COL9A2: variants seen among roughly 807,000 people sequenced by gnomAD.
COL9A2 encodes collagen alpha-2(IX) chain.
COL9A2 carries 66 observed loss-of-function variants against 111.6 expected under a neutral mutation model. The observed-to-expected ratio is 0.59, with a 90% CI of 0.48 to 0.73. The LOEUF (loss-of-function observed/expected upper bound fraction) is 0.73. Among genes scored for constraint, COL9A2 ranks in the 30% least tolerant of loss-of-function variants. The pLI is 0.00. For synonymous variants in COL9A2, 353 were observed against 364.1 expected (o/e 0.97, Z 0.35); for missense variants, 881 against 954.1 (o/e 0.92, Z 1.01).
rs1644042804 is a variant in COL9A2, at chr1:40,307,159, T to C, written c.1008+287A>G. Among the ~76,000 whole-genome samples, 1 of 152,216 alleles carries C rather than the reference T, an allele frequency of 6.6e-6. No individual in the cohort carries two copies. The highest frequency in any genetic ancestry group is 1.5e-5 in the Non-Finnish European group (1 of 68,044). On this transcript the variant is annotated intron_variant, in intron 19 of 31. Coordinates refer to ENST00000372748, the MANE Select transcript of COL9A2 (RefSeq NM_001852.4). This position sits in a 1 kb window ranked among gnomAD's most constrained non-coding sequence, Gnocchi z 4.8. Reference sequence around the variant, plus strand: ...TGCACCCGACCTCAATAACTACTTATTGAAGGACTGGACTGAATGACTTTT... The same window carrying C: ...TGCACCCGACCTCAATAACTACTTACTGAAGGACTGGACTGAATGACTTTT...
rs1481426687 is a variant in COL9A2 at position 40,303,942 on chromosome 1, C to T, written c.1354G>A (p.Glu452Lys). 6.4e-7 allele frequency: 1 copy of T among 1,559,172 alleles called. No individual in the cohort carries two copies. The highest frequency in any genetic ancestry group is 8.7e-7 in the Non-Finnish European group (1 of 1,151,070). The change falls in exon 26 of 32, where the codon GAG becomes AAG. Residue 452 changes from glutamate to lysine, a missense_variant. By Grantham distance (56) the Glu-to-Lys change is moderately conservative (BLOSUM62 1). Coordinates refer to ENST00000372748, the MANE Select transcript of COL9A2 (RefSeq NM_001852.4). This position sits in a 1 kb window ranked among gnomAD's most constrained non-coding sequence, Gnocchi z 4.6. ...GDPGVAGLPG[E>K]KGEKGESGEP... is the part of the protein sequence containing the mutation. ...CGCGCGCTCACCTTCTCGCCTTTCT[C>T]TCCGGGGAGGCCGGCCACCCCTGGG...
chr1:40,302,985 G>A lies in COL9A2; in HGVS notation c.1603+146C>T. ...CAAAGGCCCAGAGTGACTTATTCAA[G>A]GTCCCAAAACCCTTCAGAGACTGGA... On this transcript the variant is annotated intron_variant, in intron 29 of 31. Coordinates refer to ENST00000372748, the MANE Select transcript of COL9A2 (RefSeq NM_001852.4). The surrounding 1 kb of genome is among the most constrained non-coding windows in gnomAD (Gnocchi z 4.5). 9.2e-7 allele frequency: 1 copy of A among 1,083,890 alleles called. No individual in the cohort carries two copies. Among genetic ancestry groups the A allele is most frequent in the Non-Finnish European group, 1.4e-6 (1 of 734,270 alleles). The allele number at this position is 1,083,890 out of a possible 1,614,324, so 67.1% of individuals were successfully genotyped here. A position where few individuals can be genotyped will look rare whatever the true frequency, so the allele number is the denominator to read the frequency against.
intron 21 of COL9A2, 82 bp downstream of exon 21, chr1:40,305,633 C>T (rs748225569): frequency 5.9e-5 from 77 of 1,298,472 alleles, no homozygotes; most frequent in Middle Eastern, 3.7e-4. Context: ...CAGACTAACT[C>T]GGAGCTCTCC....
Position 40,302,121 on chromosome 1 carries a change from A to G in COL9A2, c.1793-232T>C, listed in dbSNP as rs535157071. Among the ~76,000 whole-genome samples, 65 of 150,392 alleles carry G rather than the reference A, an allele frequency of 4.3e-4. No individual in the cohort carries two copies. The highest frequency in any genetic ancestry group is 1.6e-3 in the African/African-American group (63 of 39,860). ...GAAAGCAAGCATAACAATATCTAGCATTTACTGTGTCTCAGTGAACTAAGA... is the reference window on the plus strand; with the variant it reads ...GAAAGCAAGCATAACAATATCTAGCGTTTACTGTGTCTCAGTGAACTAAGA... On this transcript the variant is annotated intron_variant, in intron 30 of 31. Transcript: ENST00000372748. This position sits in a 1 kb window ranked among gnomAD's most constrained non-coding sequence, Gnocchi z 4.5.
rs1569768798 is a variant in COL9A2, at chr1:40,315,588, AC to A, written c.150+1del. Reference sequence around the variant, plus strand: ...CGCCCTGGTCTCAGGTTAGAGACTTACGTCGATGCCGTCGGATCCAGGCACT... The same window carrying A: ...CGCCCTGGTCTCAGGTTAGAGACTTAGTCGATGCCGTCGGATCCAGGCACT... On this transcript the variant is annotated splice_donor_variant, in intron 2 of 31. Coordinates refer to ENST00000372748, the MANE Select transcript of COL9A2 (RefSeq NM_001852.4). LOFTEE classifies it high-confidence loss of function. The A allele has an allele frequency of 6.4e-6, 10 of 1,551,804 alleles. No homozygotes were observed. Among genetic ancestry groups the A allele is most frequent in the Non-Finnish European group, 8.7e-6 (10 of 1,146,938 alleles).
rs1341743056 is a variant in COL9A2 at position 40,316,791 on chromosome 1, C to G, written c.75+332G>C. On this transcript the variant is annotated intron_variant, in intron 1 of 31. Transcript: ENST00000372748. The surrounding 1 kb of genome is among the most constrained non-coding windows in gnomAD (Gnocchi z 5.5). The stretch of plus-strand genomic sequence containing the variant: ...GGCGGCGGGGGCGGAGGCTGCGCAG[C>G]GGGTGAATGAGCACCATTGTATGCC... 12 of 408,094 alleles carry G rather than the reference C, an allele frequency of 2.9e-5. No individual in the cohort carries two copies. Among genetic ancestry groups the G allele is most frequent in the South Asian group, 2.4e-4 (11 of 46,036 alleles). 25.3% of individuals were successfully genotyped at this position (408,094 alleles called of 1,614,324 possible). A position where few individuals can be genotyped will look rare whatever the true frequency, so the allele number is the denominator to read the frequency against.
chr1:40,310,247 C>T lies in COL9A2; in HGVS notation c.738+17G>A. On this transcript the variant is annotated intron_variant, in intron 14 of 31. Coordinates refer to ENST00000372748, the MANE Select transcript of COL9A2 (RefSeq NM_001852.4). This position sits in a 1 kb window ranked among gnomAD's most constrained non-coding sequence, Gnocchi z 4.9. ...AGCTCCTGGAAGCTCTTGTAGAACA[C>T]CCCAAGATTCACTTACCGTCTCTCC... The T allele has an allele frequency of 6.2e-7, 1 of 1,614,128 alleles. No homozygotes were observed. Among genetic ancestry groups the T allele is most frequent in the Non-Finnish European group, 8.5e-7 (1 of 1,179,980 alleles).
chr1:40,310,627 A>G lies in COL9A2; in HGVS notation c.684+87T>C. 8.3e-7 allele frequency: 1 copy of G among 1,207,460 alleles called. No individual in the cohort carries two copies. Among genetic ancestry groups the G allele is most frequent in the East Asian group, 2.5e-5 (1 of 39,394 alleles). 74.8% of individuals were successfully genotyped at this position (1,207,460 alleles called of 1,614,324 possible). A position where few individuals can be genotyped will look rare whatever the true frequency, so the allele number is the denominator to read the frequency against. ...AGCTAGACACAGGTGTCTCTTTTAC[A>G]AGCTAGAGGCCTGAGCAGGGGAATG... On this transcript the variant is annotated intron_variant, in intron 13 of 31. Transcript: ENST00000372748. This position sits in a 1 kb window ranked among gnomAD's most constrained non-coding sequence, Gnocchi z 4.9.
At chr1:40,305,866 G>A (rs1644021895) in intron 20 of COL9A2, 98 bp from the exon 21 acceptor site, 10 of 1,078,102 alleles carry the variant, frequency 9.3e-6, no homozygotes, top group African/African-American at 1.6e-5. Context: ...GGAACCAGAT[G>A]AGCTGGGACG....
rs1644107219 is a variant in COL9A2, at chr1:40,310,605, T to A, written c.684+109A>T. The A allele has an allele frequency of 9.7e-7, 1 of 1,036,040 alleles. No individual in the cohort carries two copies. Among genetic ancestry groups the A allele is most frequent in the Non-Finnish European group, 1.5e-6 (1 of 677,606 alleles). The allele number at this position is 1,036,040 out of a possible 1,614,324, so 64.2% of individuals were successfully genotyped here. ...CTCCCCATCCAGAGATGCTCCCAGC[T>A]AGACACAGGTGTCTCTTTTACAAGC... On this transcript the variant is annotated intron_variant, in intron 13 of 31. Coordinates refer to ENST00000372748, the MANE Select transcript of COL9A2 (RefSeq NM_001852.4). The surrounding 1 kb of genome is among the most constrained non-coding windows in gnomAD (Gnocchi z 4.9).
chr1:40,312,228 G>A lies in COL9A2; in HGVS notation c.364-116C>T. 1.3e-6 allele frequency: 1 copy of A among 770,852 alleles called. No homozygotes were observed. The highest frequency in any genetic ancestry group is 2.0e-6 in the Non-Finnish European group (1 of 506,080). The allele number at this position is 770,852 out of a possible 1,614,324, so 47.8% of individuals were successfully genotyped here. A position where few individuals can be genotyped will look rare whatever the true frequency, so the allele number is the denominator to read the frequency against. ...CCACTTTTACTTTTTTTTTTTTTTT[G>A]CCAACCCCAGAGAGACTGACAGACT... On this transcript the variant is annotated intron_variant, in intron 7 of 31. Transcript: ENST00000372748. This position sits in a 1 kb window ranked among gnomAD's most constrained non-coding sequence, Gnocchi z 6.0.
Position 40,311,554 on chromosome 1 carries a change from G to A in COL9A2, c.472-7C>T, listed in dbSNP as rs770372884. ...GGATGGTTCCCGGGCGACCCTGAGA[G>A]GAGACATGAAGATGGAGCTTGGCCT... On this transcript the variant is annotated splice_polypyrimidine_tract_variant and splice_region_variant and intron_variant, in intron 9 of 31. Coordinates refer to ENST00000372748, the MANE Select transcript of COL9A2 (RefSeq NM_001852.4). The surrounding 1 kb of genome is among the most constrained non-coding windows in gnomAD (Gnocchi z 5.1). The A allele has an allele frequency of 1.9e-6, 3 of 1,613,962 alleles. No homozygotes were observed. Among genetic ancestry groups the A allele is most frequent in the Admixed American group, 1.7e-5 (1 of 60,016 alleles).
Position 40,312,668 on chromosome 1 carries a change from C to A in COL9A2, c.304-59G>T. 6.3e-7 allele frequency: 1 copy of A among 1,598,042 alleles called. No homozygotes were observed. On this transcript the variant is annotated intron_variant, in intron 5 of 31. Coordinates refer to ENST00000372748, the MANE Select transcript of COL9A2 (RefSeq NM_001852.4). The surrounding 1 kb of genome is among the most constrained non-coding windows in gnomAD (Gnocchi z 6.0). ...GGTTTCCCCGGCTCCTACTTCCTCT[C>A]TACAGCCACTCCCAAACGCTGGCCC...
intron 22 of COL9A2, 39 bp from the exon 23 acceptor site, chr1:40,304,568 C>T: frequency 4.3e-6 from 7 of 1,612,466 alleles, no homozygotes; most frequent in Non-Finnish European, 5.9e-6. Context: ...CAGCAGCTCT[C>T]AGCAGGGGTA....
chr1:40,304,837 C>A lies in COL9A2; in HGVS notation c.1118G>T (p.Gly373Val). The change falls in exon 22 of 32, where the codon GGG becomes GTG. Residue 373 changes from glycine to valine, a missense_variant. Gly to Val is a moderately radical substitution (Grantham distance 109). Transcript: ENST00000372748. The part of the protein sequence containing the change: ...SGPPGKEGEP[G>V]PRGEIGPQGI... ...CTGGGGACCAATTTCTCCTCGAGGC[C>A]CTGGCTCTCCCTGGAGGAAGGAGAA... 1 of 1,550,424 alleles carries A rather than the reference C, an allele frequency of 6.4e-7. No individual in the cohort carries two copies.
chr1:40,311,384 C>T lies in COL9A2; in HGVS notation c.520-98G>A. The T allele has an allele frequency of 6.4e-7, 1 of 1,567,860 alleles. No individual in the cohort carries two copies. Among genetic ancestry groups the T allele is most frequent in the Non-Finnish European group, 8.7e-7 (1 of 1,148,522 alleles). On this transcript the variant is annotated intron_variant, in intron 10 of 31. Transcript: ENST00000372748. The surrounding 1 kb of genome is among the most constrained non-coding windows in gnomAD (Gnocchi z 5.1). ...TCTCCTCCGCCTCACCTGGTGGAACCCCTGCACTGCAGCCCCTCCCCATCT... is the reference window on the plus strand; with the variant it reads ...TCTCCTCCGCCTCACCTGGTGGAACTCCTGCACTGCAGCCCCTCCCCATCT...
In COL9A2 at chr1:40,312,654, C is replaced by A. The variant is rs967638462; in HGVS notation, c.304-45G>T. ...GGCTCAGAGGCTGGGGTTTCCCCGG[C>A]TCCTACTTCCTCTCTACAGCCACTC... On this transcript the variant is annotated intron_variant, in intron 5 of 31. Coordinates refer to ENST00000372748, the MANE Select transcript of COL9A2 (RefSeq NM_001852.4). The surrounding 1 kb of genome is among the most constrained non-coding windows in gnomAD (Gnocchi z 6.0). The A allele has an allele frequency of 3.1e-6, 5 of 1,606,024 alleles. No individual in the cohort carries two copies. Among genetic ancestry groups the A allele is most frequent in the Non-Finnish European group, 4.3e-6 (5 of 1,176,088 alleles).
intron 4 of COL9A2, among the ~76,000 whole-genome samples, chr1:40,313,855 G>GA (rs1049517070): frequency 3.3e-5 from 5 of 152,042 alleles, no homozygotes; most frequent in African/African-American, 1.2e-4. Flanking sequence ...GGGAAGAGCG[G>GA]AGGAAAGGAC....
At chr1:40,304,559 A>G (rs375433626) in intron 22 of COL9A2, 30 bp from the exon 23 acceptor site, 12 of 1,612,964 alleles carry the variant, frequency 7.4e-6, no homozygotes, top group Middle Eastern at 1.7e-4. Context: ...TCACAACCTC[A>G]GCAGCTCTCA....
Sources: allele counts gnomAD v4.1 joint callset (sites outside exome capture counted in the v4.1 genomes callset), GRCh38; gene constraint gnomAD v4.1.1; non-coding constraint Gnocchi (gnomAD v3.1); transcripts MANE v1.5; gene names NCBI Gene and HGNC (gene_info 2026-07-23, HGNC 2026-07-21).